Variants in CNTNAP5 observed in about 807,000 individuals in gnomAD.
CNTNAP5 encodes the protein contactin-associated protein-like 5.
CNTNAP5 carries 72 observed loss-of-function variants against 150.2 expected under a neutral mutation model. The observed-to-expected ratio is 0.48, with a 90% confidence interval of 0.40 to 0.58. The LOEUF (loss-of-function observed/expected upper bound fraction) is 0.58. CNTNAP5 is among the 20% of genes least tolerant of loss of function. The pLI, the probability that CNTNAP5 is intolerant of heterozygous loss-of-function variation, is 0.00. For missense variants in CNTNAP5, 1,636 were observed against 1,626.2 expected (o/e 1.01, Z -0.10); for synonymous variants, 672 against 619.8 (o/e 1.08, Z -1.25).
intron 3 of CNTNAP5, among the ~76,000 whole-genome samples, chr2:124,249,884 G>C (rs1687130229): frequency 6.6e-6 from 1 of 151,914 alleles, no homozygotes; most frequent in African/African-American, 2.4e-5. Context: ...ATGCTAGCTA[G>C]GTGTAATGAC....
At chr2:124,293,280 C>G (rs980607034) in intron 3 of CNTNAP5, among the ~76,000 whole-genome samples, 6 of 152,006 alleles carry the variant, frequency 3.9e-5, no homozygotes, top group African/African-American at 7.2e-5. Flanking sequence ...GGGTATCTCT[C>G]CCTTTGCAAT....
At position 124,025,383 on chromosome 2, in the gene CNTNAP5, G is replaced by C. The variant is rs373653991; in HGVS notation, c.-268G>C. On this transcript the variant is annotated 5_prime_UTR_variant, in exon 1 of 24. Coordinates refer to ENST00000682447, the MANE Select transcript of CNTNAP5 (RefSeq NM_001367498.1). ...GGTTTGGATTTGCACCGTTAAGGAGGGGGGAAGAGAAGGAAGAGGCGGGCG... is the reference window on the plus strand; with the variant it reads ...GGTTTGGATTTGCACCGTTAAGGAGCGGGGAAGAGAAGGAAGAGGCGGGCG... 33 of 525,260 alleles carry C rather than the reference G, an allele frequency of 6.3e-5. No individual in the cohort carries two copies. Among genetic ancestry groups the C allele is most frequent in the East Asian group, 3.7e-4 (11 of 29,870 alleles). 32.5% of individuals were successfully genotyped at this position (525,260 alleles called of 1,614,324 possible).
At chr2:124,476,231 C>G (rs188276524) in intron 7 of CNTNAP5, among the ~76,000 whole-genome samples, 1 of 152,004 alleles carries the variant, frequency 6.6e-6, no homozygotes, top group Non-Finnish European at 1.5e-5. Context: ...TATTTAGAAC[C>G]ATTTCAAGTG....
chr2:124,112,922 C>G (rs1056536852), intron 1 of CNTNAP5, among the ~76,000 whole-genome samples: 4 of 152,032 alleles, frequency 2.6e-5, no homozygotes, highest in African/African-American at 9.7e-5. Flanking sequence ...TTTTCATTAG[C>G]AATCAGGAAA....
chr2:124,096,617 T>C (rs1682939870), intron 1 of CNTNAP5, among the ~76,000 whole-genome samples: 1 of 152,104 alleles, frequency 6.6e-6, no homozygotes, highest in Non-Finnish European at 1.5e-5. Flanking sequence ...CAATGAACTA[T>C]TTGGGGAACT....
intron 1 of CNTNAP5, among the ~76,000 whole-genome samples, chr2:124,136,416 A>C (rs1198196944): frequency 6.6e-6 from 1 of 152,178 alleles, no homozygotes; most frequent in Non-Finnish European, 1.5e-5. Context: ...ATTGAAACAC[A>C]CTTTGTATAC....
chr2:124,233,600 G>A (rs2104755944), intron 2 of CNTNAP5, among the ~76,000 whole-genome samples: 1 of 152,162 alleles, frequency 6.6e-6, no homozygotes, highest in Middle Eastern at 3.4e-3. Flanking sequence ...TTATCTGATA[G>A]AGAATAATCA....
intron 1 of CNTNAP5, among the ~76,000 whole-genome samples, chr2:124,094,946 G>A (rs888289995): frequency 6.6e-6 from 1 of 152,180 alleles, no homozygotes; most frequent in Non-Finnish European, 1.5e-5. Flanking sequence ...GGGCACTGCT[G>A]CCCTCAGTGC....
chr2:124,753,451 T>G (rs1680773321), intron 14 of CNTNAP5, among the ~76,000 whole-genome samples: 1 of 152,220 alleles, frequency 6.6e-6, no homozygotes, highest in African/African-American at 2.4e-5. Flanking sequence ...TAGTTGAAAT[T>G]TACTTCCTTG....
At chr2:124,479,496 A>G (rs577625515) in intron 7 of CNTNAP5, among the ~76,000 whole-genome samples, 2 of 152,320 alleles carry the variant, frequency 1.3e-5, no homozygotes, top group South Asian at 2.1e-4. Flanking sequence ...TTTGTCTTCA[A>G]TAGAAGGGAA....
intron 3 of CNTNAP5, among the ~76,000 whole-genome samples, chr2:124,298,005 T>C (rs1688484554): frequency 6.6e-6 from 1 of 151,908 alleles, no homozygotes. Flanking sequence ...CCACCACGCC[T>C]GGCTAATTTT....
chr2:124,701,474 C>T (rs184447235), intron 13 of CNTNAP5, among the ~76,000 whole-genome samples: 1 of 152,254 alleles, frequency 6.6e-6, no homozygotes, highest in African/African-American at 2.4e-5. Context: ...GTGAATAATG[C>T]TGCTGTAAGC....
intron 13 of CNTNAP5, among the ~76,000 whole-genome samples, chr2:124,711,280 AAATAAT>A (rs1322473940): frequency 1.4e-5 from 2 of 146,286 alleles, no homozygotes; most frequent in East Asian, 4.1e-4. Flanking sequence ...CAAAAATAAA[AAATAAT>A]AATAATAAAA....
chr2:124,452,165 T>C (rs1692997956), intron 6 of CNTNAP5, among the ~76,000 whole-genome samples: 1 of 152,210 alleles, frequency 6.6e-6, no homozygotes, highest in East Asian at 1.9e-4. Flanking sequence ...GCCCTGCTTT[T>C]CCACTGCTTG....
intron 2 of CNTNAP5, among the ~76,000 whole-genome samples, chr2:124,228,160 T>G (rs570957593): frequency 3.3e-5 from 5 of 152,200 alleles, no homozygotes; most frequent in African/African-American, 1.2e-4. Context: ...ACCACTGGTA[T>G]CAGTCCCAGA....
At chr2:124,892,852 A>T (rs1215962685) in intron 21 of CNTNAP5, among the ~76,000 whole-genome samples, 1 of 152,118 alleles carries the variant, frequency 6.6e-6, no homozygotes, top group Non-Finnish European at 1.5e-5. Context: ...TTTTCTTTGC[A>T]TGAAGGCGTT....
chr2:124,773,943 TGTGTGAGAGAGAGA>T (rs1681264684), intron 17 of CNTNAP5, among the ~76,000 whole-genome samples: 2 of 116,566 alleles, frequency 1.7e-5, no homozygotes, highest in Non-Finnish European at 3.7e-5. Flanking sequence ...TGTGTGTGTG[TGTGTGAGAGAGAGA>T]GAGAGAGAGA....
chr2:124,494,111 T>TG (rs917974814), intron 7 of CNTNAP5, among the ~76,000 whole-genome samples: 8 of 40,246 alleles, frequency 2.0e-4, no homozygotes, highest in African/African-American at 4.8e-4. Context: ...TGTGTGTGGG[T>TG]GGGGGGGTAG....
chr2:124,165,668 C>G (rs1014252153), intron 1 of CNTNAP5, among the ~76,000 whole-genome samples: 2 of 152,124 alleles, frequency 1.3e-5, no homozygotes, highest in Non-Finnish European at 2.9e-5. Context: ...TTGAGGTGCT[C>G]AGGCTGAAGA....
Sources: allele counts gnomAD v4.1 joint callset (sites outside exome capture counted in the v4.1 genomes callset), GRCh38; gene constraint gnomAD v4.1.1; transcripts MANE v1.5; gene names NCBI Gene and HGNC (gene_info 2026-07-23, HGNC 2026-07-21).